Variants in GADL1 observed in about 807,000 individuals in gnomAD.
The protein encoded by GADL1 is GAD like acidic amino acid decarboxylase 1, also known as acidic amino acid decarboxylase GADL1.
GADL1 carries 71 observed loss-of-function variants against 69.5 expected under a neutral mutation model. The observed-to-expected ratio is 1.02, with a 90% CI of 0.84 to 1.25. The LOEUF is 1.25. Among genes scored for constraint, GADL1 ranks in the 50% most tolerant of loss-of-function variants. GADL1 has a pLI of 0.00. For synonymous variants in GADL1, 254 were observed against 214.4 expected, an observed-to-expected ratio of 1.18 and a Z score of -1.62; for missense variants, 737 against 631.8, an observed-to-expected ratio of 1.17 and a Z score of -1.79.
intron 12 of GADL1, 61 bp downstream of exon 12, chr3:30,800,828 C>A: frequency 8.9e-7 from 1 of 1,120,314 alleles, no homozygotes; most frequent in South Asian, 1.3e-5. Flanking sequence ...CACACACACA[C>A]ACACACACAC....
Position 30,796,147 on chromosome 3 carries a change from A to G in GADL1, c.1250+4742T>C, listed in dbSNP as rs192744053. On this transcript the variant is annotated intron_variant, in intron 12 of 14. Coordinates refer to ENST00000282538, the MANE Select transcript of GADL1 (RefSeq NM_207359.3). ...ACAATCATAAAATATCTATAACCTT[A>G]TTTCAAGACACCTCCCATTGAATTA... is the stretch of plus-strand genomic sequence containing the variant. Among the ~76,000 whole-genome samples, 10 of 152,302 alleles carry G rather than the reference A, an allele frequency of 6.6e-5. No individual in the cohort carries two copies. In the South Asian group the frequency reaches 8.3e-4, roughly 13 times the overall value.
chr3:30,751,593 A>G (rs1034997664), intron 14 of GADL1, among the ~76,000 whole-genome samples: 2 of 151,848 alleles, frequency 1.3e-5, no homozygotes, highest in Admixed American at 1.3e-4. Flanking sequence ...ACTTGAGTGG[A>G]GGTATCTATA....
chr3:30,844,702 AAAT>A lies in GADL1; in HGVS notation c.652-239_652-237del, dbSNP rs1238382382. ...CAGTTACAGCTATGGAATCTTGAAC[AAAT>A]AATATACACTCTCCAAGCCTCAATT... is the stretch of plus-strand genomic sequence containing the variant. On this transcript the variant is annotated intron_variant, in intron 6 of 14. Coordinates refer to ENST00000282538, the MANE Select transcript of GADL1 (RefSeq NM_207359.3). 2.6e-5 allele frequency among the ~76,000 whole-genome samples: 4 copies of A among 152,276 alleles called. 1 individual carries two copies. Among genetic ancestry groups the A allele is most frequent in the South Asian group, 4.1e-4 (2 of 4,820 alleles).
At position 30,727,624 on chromosome 3, in the gene GADL1, T is replaced by A. The variant is rs1055988234; in HGVS notation, c.*618A>T. On this transcript the variant is annotated 3_prime_UTR_variant, in exon 15 of 15. Transcript: ENST00000282538. Reference sequence around the variant, plus strand: ...GCCATAGTTGTATTTTTTCAAAGACTGGCTCAGAGGCTTCTGAAATATTAG... The same window carrying A: ...GCCATAGTTGTATTTTTTCAAAGACAGGCTCAGAGGCTTCTGAAATATTAG... The A allele has an allele frequency of 1.3e-5, 2 of 152,174 alleles. No individual in the cohort carries two copies. The highest frequency in any genetic ancestry group is 4.8e-5 in the African/African-American group (2 of 41,434). The allele number at this position is 152,174 out of a possible 1,614,324, so 9.4% of individuals were successfully genotyped here.
At chr3:30,856,615 T>G (rs937838229) in intron 3 of GADL1, among the ~76,000 whole-genome samples, 1 of 152,090 alleles carries the variant, frequency 6.6e-6, no homozygotes, top group Non-Finnish European at 1.5e-5. Context: ...AGATACCTTT[T>G]GAACACTTTT....
chr3:30,843,759 C>A (rs1698008895), intron 8 of GADL1, among the ~76,000 whole-genome samples: 1 of 152,116 alleles, frequency 6.6e-6, no homozygotes, highest in Non-Finnish European at 1.5e-5. Flanking sequence ...GGATTGGAAG[C>A]AACCTGGGAG....
intron 14 of GADL1, among the ~76,000 whole-genome samples, chr3:30,762,845 CTT>C (rs1446046400): frequency 2.1e-5 from 1 of 46,636 alleles, no homozygotes; most frequent in Non-Finnish European, 4.7e-5. Context: ...TGATGTTAGT[CTT>C]TCTTTTCCTT....
Position 30,836,937 on chromosome 3 carries a change from G to A in GADL1, c.903+2060C>T, listed in dbSNP as rs1054191891. On this transcript the variant is annotated intron_variant, in intron 9 of 14. Transcript: ENST00000282538. The stretch of plus-strand genomic sequence containing the variant: ...TTTCTTATTCGGTTGTTTAAAAAAC[G>A]CATTATATTACCAAATTGAAGACAG... Among the ~76,000 whole-genome samples the A allele has an allele frequency of 2.7e-5, 4 of 149,814 alleles. No individual in the cohort carries two copies. The South Asian group carries it at 6.5e-4, about 24-fold the overall frequency.
At chr3:30,845,001 T>C (rs551294009) in intron 6 of GADL1, among the ~76,000 whole-genome samples, 1 of 152,262 alleles carries the variant, frequency 6.6e-6, no homozygotes, top group South Asian at 2.1e-4. Flanking sequence ...ATCTCAAAGA[T>C]TGCAATCACA....
At chr3:30,864,384 A>T (rs929952374) in intron 1 of GADL1, among the ~76,000 whole-genome samples, 5 of 151,050 alleles carry the variant, frequency 3.3e-5, no homozygotes, top group African/African-American at 1.2e-4. Context: ...TGTGTCACAC[A>T]CATACACACA....
chr3:30,736,551 CATT>C (rs1451533850), intron 14 of GADL1, among the ~76,000 whole-genome samples: 1 of 152,042 alleles, frequency 6.6e-6, no homozygotes, highest in African/African-American at 2.4e-5. Context: ...TACATTATTT[CATT>C]ATTATCTCTT....
At chr3:30,781,687 A>C (rs917678314) in intron 13 of GADL1, among the ~76,000 whole-genome samples, 7 of 152,204 alleles carry the variant, frequency 4.6e-5, no homozygotes, top group Admixed American at 4.6e-4. Context: ...ATGAGTATCA[A>C]ACTTTCTGTT....
At chr3:30,764,471 G>A (rs1696221561) in intron 14 of GADL1, among the ~76,000 whole-genome samples, 1 of 152,162 alleles carries the variant, frequency 6.6e-6, no homozygotes, top group African/African-American at 2.4e-5. Flanking sequence ...CTGTAAAAAT[G>A]GAAGTAGAGC....
intron 12 of GADL1, among the ~76,000 whole-genome samples, chr3:30,796,459 C>G (rs142719241): frequency 5.9e-5 from 9 of 152,180 alleles, no homozygotes; most frequent in African/African-American, 2.2e-4. Flanking sequence ...GCAGGTGAAT[C>G]ATCGTTACTA....
At chr3:30,787,613 T>C (rs1274805842) in intron 12 of GADL1, among the ~76,000 whole-genome samples, 1 of 152,092 alleles carries the variant, frequency 6.6e-6, no homozygotes, top group African/African-American at 2.4e-5. Context: ...ACACCGAACA[T>C]CAGGAATGCC....
intron 11 of GADL1, among the ~76,000 whole-genome samples, chr3:30,810,061 T>C (rs987516962): frequency 3.3e-5 from 5 of 152,214 alleles, no homozygotes; most frequent in African/African-American, 1.2e-4. Flanking sequence ...TGCCCTGTTC[T>C]CTTCTGCCAT....
At chr3:30,860,446 C>G (rs769163640) in intron 2 of GADL1, among the ~76,000 whole-genome samples, 1 of 151,830 alleles carries the variant, frequency 6.6e-6, no homozygotes, top group Non-Finnish European at 1.5e-5. Context: ...CAATGTAAAG[C>G]AGATCCAAAG....
intron 14 of GADL1, among the ~76,000 whole-genome samples, chr3:30,754,577 ATATT>A (rs926548086): frequency 6.6e-6 from 1 of 152,116 alleles, no homozygotes; most frequent in African/African-American, 2.4e-5. Context: ...CAATGGCTAA[ATATT>A]TAAGCTTCAT....
At chr3:30,785,748 GCTATAATACATATA>G (rs1235585149) in intron 13 of GADL1, among the ~76,000 whole-genome samples, 4 of 152,112 alleles carry the variant, frequency 2.6e-5, no homozygotes, top group African/African-American at 4.8e-5. Context: ...GTTAAAAACT[GCTATAATACATATA>G]CTATAACAAA....
Sources: gnomAD v4.1 joint callset for allele counts (sites outside exome capture counted in the v4.1 genomes callset) on GRCh38, gnomAD v4.1.1 for gene constraint, MANE v1.5 for transcripts, NCBI Gene and HGNC (gene_info 2026-07-23, HGNC 2026-07-21) for gene names.